The following DNAH6 variants were observed in gnomAD, a reference collection of about 807,000 sequenced individuals.
The protein encoded by DNAH6 is axonemal beta dynein heavy chain 6.
A neutral mutation model predicts 491.4 loss-of-function variants in DNAH6; 340 were observed. That is an observed-to-expected ratio of 0.69 (90% CI 0.63 to 0.76). DNAH6 has a LOEUF of 0.76. DNAH6 is among the 30% of genes least tolerant of loss of function. The pLI is 0.00. For missense variants in DNAH6, 4,443 were observed against 4,972.2 expected (o/e 0.89, Z 3.20); for synonymous variants, 1,603 against 1,686.1 (o/e 0.95, Z 1.21).
upstream of DNAH6, chr2:84,516,392 C>T (rs773955235): frequency 6.6e-6 from 1 of 152,194 alleles, no homozygotes; most frequent in South Asian, 2.1e-4. Context: ...CTGGCGCGCT[C>T]CTGGACCGAA....
intron 11 of DNAH6, among the ~76,000 whole-genome samples, chr2:84,564,514 C>G (rs1430350733): frequency 6.6e-6 from 1 of 152,098 alleles, no homozygotes; most frequent in African/African-American, 2.4e-5. Context: ...TATAGAAATG[C>G]TACTGATTTT....
At chr2:84,628,488 G>A (rs12464040) in intron 29 of DNAH6, among the ~76,000 whole-genome samples, 4 of 152,036 alleles carry the variant, frequency 2.6e-5, no homozygotes, top group African/African-American at 4.8e-5. Context: ...CCTAGTTCCT[G>A]CTTCTCCAGG....
intron 69 of DNAH6, among the ~76,000 whole-genome samples, chr2:84,797,250 A>G (rs192944145): frequency 1.5e-4 from 23 of 152,338 alleles, no homozygotes; most frequent in African/African-American, 5.5e-4. Context: ...GGAGCCCTTC[A>G]TGAGTTACAC....
intron 64 of DNAH6, among the ~76,000 whole-genome samples, chr2:84,766,235 C>A (rs751449652): frequency 1.2e-4 from 19 of 152,004 alleles, no homozygotes; most frequent in Non-Finnish European, 1.9e-4. Context: ...CTATACTTAA[C>A]AAATATAACA....
rs1241492441 is a variant in DNAH6 at position 84,713,013 on chromosome 2, G to A, written c.9379-82G>A. The A allele has an allele frequency of 5.0e-6, 6 of 1,210,278 alleles. No homozygotes were observed. In the East Asian group the frequency reaches 1.0e-4, roughly 21 times the overall value. The allele number at this position is 1,210,278 out of a possible 1,614,324, so 75.0% of individuals were successfully genotyped here. A position where few individuals can be genotyped will look rare whatever the true frequency, so the allele number is the denominator to read the frequency against. ...ATTATTCATTCACAGTACATTTTGAGGCCTAAGGAATTTTGTGAAGTTCAT... is the reference window on the plus strand; with the variant it reads ...ATTATTCATTCACAGTACATTTTGAAGCCTAAGGAATTTTGTGAAGTTCAT... On this transcript the variant is annotated intron_variant, in intron 56 of 76. Coordinates refer to ENST00000389394, the MANE Select transcript of DNAH6 (RefSeq NM_001370.2).
At chr2:84,715,695 A>G (rs1397647065) in intron 58 of DNAH6, 68 bp downstream of exon 58, 2 of 1,426,252 alleles carry the variant, frequency 1.4e-6, no homozygotes, top group Non-Finnish European at 1.9e-6. Flanking sequence ...TTGTTTAGAA[A>G]TATTGACAAA....
At chr2:84,609,648 G>T (rs1309721141) in intron 21 of DNAH6, among the ~76,000 whole-genome samples, 1 of 151,128 alleles carries the variant, frequency 6.6e-6, no homozygotes, top group African/African-American at 2.4e-5. Flanking sequence ...AAAGATCACT[G>T]ATCACAGATC....
At chr2:84,470,797 C>A in the DNAH6 span, among the ~76,000 whole-genome samples, 7 of 151,990 alleles carry the variant, frequency 4.6e-5, no homozygotes, top group African/African-American at 1.7e-4. Flanking sequence ...GTCATGGGGG[C>A]GACGAAGTCC....
intron 62 of DNAH6, among the ~76,000 whole-genome samples, chr2:84,738,579 C>A (rs1672224105): frequency 1.3e-5 from 2 of 152,150 alleles, no homozygotes; most frequent in East Asian, 3.9e-4. Context: ...TGAATTGAGC[C>A]CCTTATCATT....
At chr2:84,525,394 T>A (rs1171471818) in intron 2 of DNAH6, among the ~76,000 whole-genome samples, 171 bp from the exon 3 acceptor site, 1 of 152,110 alleles carries the variant, frequency 6.6e-6, no homozygotes, top group Admixed American at 6.6e-5. Context: ...ACTCAAGCAA[T>A]AGGCCAGGGA....
chr2:84,519,117 A>G (rs1201658141), intron 2 of DNAH6, among the ~76,000 whole-genome samples: 1 of 152,110 alleles, frequency 6.6e-6, no homozygotes, highest in African/African-American at 2.4e-5. Context: ...TTGGGTGACT[A>G]GAAAGGTCTC....
the DNAH6 span, chr2:84,459,849 A>C: frequency 3.9e-5 from 6 of 152,626 alleles, no homozygotes; most frequent in African/African-American, 1.4e-4. Flanking sequence ...GTGAAGGGAA[A>C]GATGTGATGA....
intron 61 of DNAH6, among the ~76,000 whole-genome samples, chr2:84,729,067 T>A (rs781242595): frequency 6.6e-6 from 1 of 152,142 alleles, no homozygotes; most frequent in Non-Finnish European, 1.5e-5. Context: ...AGACAAGATC[T>A]CTCCACCAGA....
intron 63 of DNAH6, chr2:84,750,664 G>A (rs1558996332): frequency 1.3e-5 from 2 of 152,116 alleles, no homozygotes; most frequent in Non-Finnish European, 2.9e-5. Flanking sequence ...GGTGGGTGAA[G>A]CATCAAGTTC....
intron 62 of DNAH6, 69 bp from the exon 63 acceptor site, chr2:84,745,011 C>A: frequency 9.4e-7 from 1 of 1,063,324 alleles, no homozygotes; most frequent in Non-Finnish European, 1.3e-6. Flanking sequence ...TTTTAAATTA[C>A]CAAACATTAT....
chr2:84,617,291 T>C (rs1467215298), intron 23 of DNAH6, among the ~76,000 whole-genome samples: 4 of 152,130 alleles, frequency 2.6e-5, no homozygotes, highest in Non-Finnish European at 5.9e-5. Flanking sequence ...TAATGCATAA[T>C]AATCACATCA....
chr2:84,509,616 TATG>T, the DNAH6 span, among the ~76,000 whole-genome samples: 1 of 152,214 alleles, frequency 6.6e-6, no homozygotes, highest in South Asian at 2.1e-4. Flanking sequence ...ATCCTGTCAT[TATG>T]ATGTTAGCTG....
At chr2:84,544,673 CTACAT>C (rs1678601856) in intron 5 of DNAH6, among the ~76,000 whole-genome samples, 173 bp downstream of exon 5, 1 of 152,106 alleles carries the variant, frequency 6.6e-6, no homozygotes. Context: ...AGGGGTGTTT[CTACAT>C]TTTAACTAGG....
At position 84,629,625 on chromosome 2, in the gene DNAH6, A is replaced by G. The variant is rs145262094; in HGVS notation, c.4515+4562A>G. ...TAATAGTGTTTTTAATATGTTATTG[A>G]TACTGATTTCTTCTCTCAGTTAGGT... On this transcript the variant is annotated intron_variant, in intron 29 of 76. Coordinates refer to ENST00000389394, the MANE Select transcript of DNAH6 (RefSeq NM_001370.2). Among the ~76,000 whole-genome samples, 381 of 152,266 alleles carry G rather than the reference A, an allele frequency of 2.5e-3. 1 individual carries two copies. The highest frequency in any genetic ancestry group is 4.6e-3 in the Admixed American group (70 of 15,286).
Sources: gnomAD v4.1 joint callset for allele counts (sites outside exome capture counted in the v4.1 genomes callset) on GRCh38, gnomAD v4.1.1 for gene constraint, MANE v1.5 for transcripts, NCBI Gene and HGNC (gene_info 2026-07-23, HGNC 2026-07-21) for gene names.